The following RABGAP1L variants were observed in gnomAD, a reference collection of about 807,000 sequenced individuals.
RABGAP1L encodes the protein rab GTPase-activating protein 1-like.
In RABGAP1L, 63 loss-of-function variants were observed where a neutral mutation model predicts 137.7. The ratio of observed to expected loss-of-function variants is 0.46; its 90% CI spans 0.37 to 0.56. RABGAP1L has a LOEUF of 0.56. Among genes scored for constraint, RABGAP1L ranks in the 20% least tolerant of loss-of-function variants. The probability of loss-of-function intolerance (pLI) is 0.00; values close to 1 mark genes in which losing one functional copy is unlikely to be tolerated. For synonymous variants in RABGAP1L, 431 were observed against 433.7 expected (o/e 0.99, Z 0.08); for missense variants, 1,095 against 1,244.0 (o/e 0.88, Z 1.80).
chr1:174,347,264 C>A (rs1453310125), intron 11 of RABGAP1L, among the ~76,000 whole-genome samples: 1 of 152,068 alleles, frequency 6.6e-6, no homozygotes, highest in African/African-American at 2.4e-5. Context: ...TTCCATGTTT[C>A]TTTATTTACT....
chr1:174,220,113 T>C (rs1023693251), intron 2 of RABGAP1L, among the ~76,000 whole-genome samples: 3 of 152,192 alleles, frequency 2.0e-5, no homozygotes, highest in African/African-American at 7.2e-5. Flanking sequence ...AAGACATCAC[T>C]TATTTGCTTA....
At chr1:174,825,891 AAAAC>A (rs756894688) in intron 19 of RABGAP1L, among the ~76,000 whole-genome samples, 29 of 152,134 alleles carry the variant, frequency 1.9e-4, no homozygotes, top group African/African-American at 4.8e-4. Flanking sequence ...ACTCTGTCTC[AAAAC>A]AAACAAACAA....
chr1:174,615,515 AG>A (rs1475847449), intron 13 of RABGAP1L, among the ~76,000 whole-genome samples: 1 of 151,582 alleles, frequency 6.6e-6, no homozygotes, highest in Non-Finnish European at 1.5e-5. Context: ...TAGGCTTCTC[AG>A]GGGTCAGGGG....
intron 10 of RABGAP1L, among the ~76,000 whole-genome samples, chr1:174,299,097 T>A (rs1298546868): frequency 1.3e-5 from 2 of 152,256 alleles, no homozygotes; most frequent in African/African-American, 4.8e-5. Flanking sequence ...AAATAGACTT[T>A]AGTTTTATAC....
intron 11 of RABGAP1L, among the ~76,000 whole-genome samples, chr1:174,363,809 G>A (rs1684344331): frequency 7.1e-6 from 1 of 140,840 alleles, no homozygotes; most frequent in African/African-American, 2.5e-5. Flanking sequence ...ATGCTCATAT[G>A]GTTTTTGTAC....
chr1:174,192,879 A>G (rs1026007089), intron 1 of RABGAP1L, among the ~76,000 whole-genome samples: 4 of 152,220 alleles, frequency 2.6e-5, no homozygotes, highest in Non-Finnish European at 4.4e-5. Flanking sequence ...GCACCTGACA[A>G]TGCTGTCGTT....
intron 11 of RABGAP1L, among the ~76,000 whole-genome samples, chr1:174,314,860 T>C (rs1166297525): frequency 6.6e-6 from 1 of 152,202 alleles, no homozygotes; most frequent in Non-Finnish European, 1.5e-5. Context: ...AGATGCTTGA[T>C]ATTATTTCAG....
chr1:174,635,701 A>G (rs10912828), intron 13 of RABGAP1L, among the ~76,000 whole-genome samples: 141 of 151,992 alleles, frequency 9.3e-4, no homozygotes, highest in African/African-American at 3.1e-3. Flanking sequence ...TTTCCTCTGG[A>G]TCGATTTGTA....
chr1:174,596,054 G>A (rs1418357350), intron 13 of RABGAP1L, among the ~76,000 whole-genome samples: 1 of 114,584 alleles, frequency 8.7e-6, no homozygotes, highest in Non-Finnish European at 1.7e-5. Context: ...ATATAGTCTC[G>A]TGGTGCGCCG....
intron 1 of RABGAP1L, among the ~76,000 whole-genome samples, chr1:174,205,693 G>A (rs189973491): frequency 2.8e-4 from 42 of 152,006 alleles, no homozygotes; most frequent in African/African-American, 9.4e-4. Flanking sequence ...AGTGGCCTAT[G>A]TATCTTACTA....
intron 14 of RABGAP1L, among the ~76,000 whole-genome samples, chr1:174,653,609 AG>A (rs1215012662): frequency 6.6e-6 from 1 of 152,180 alleles, no homozygotes; most frequent in Non-Finnish European, 1.5e-5. Context: ...CTGTCTAACC[AG>A]TCTCAATGAG....
At chr1:174,642,372 T>C (rs548022745) in intron 14 of RABGAP1L, among the ~76,000 whole-genome samples, 1 of 152,326 alleles carries the variant, frequency 6.6e-6, no homozygotes, top group Admixed American at 6.5e-5. Flanking sequence ...ATTGTTTTGA[T>C]ACTAATGATG....
chr1:174,643,729 G>C (rs1006126775), intron 14 of RABGAP1L, among the ~76,000 whole-genome samples: 3 of 152,032 alleles, frequency 2.0e-5, no homozygotes, highest in Admixed American at 1.3e-4. Flanking sequence ...TAATCTCTTA[G>C]AGTCAGAGTT....
chr1:174,176,762 A>G (rs1345398970), intron 1 of RABGAP1L, among the ~76,000 whole-genome samples: 1 of 134,620 alleles, frequency 7.4e-6, no homozygotes, highest in Non-Finnish European at 1.6e-5. Context: ...ACATTTGTTA[A>G]TACTGCCATC....
At chr1:174,363,995 G>A (rs1684367566) in intron 11 of RABGAP1L, among the ~76,000 whole-genome samples, 1 of 151,578 alleles carries the variant, frequency 6.6e-6, no homozygotes, top group African/African-American at 2.4e-5. Flanking sequence ...ACTGATATTG[G>A]CCTACAGTTT....
At chr1:174,649,027 G>T (rs910477881) in intron 14 of RABGAP1L, among the ~76,000 whole-genome samples, 3 of 151,994 alleles carry the variant, frequency 2.0e-5, no homozygotes, top group Non-Finnish European at 4.4e-5. Context: ...TGCCACCCCT[G>T]CTTTTTTTTG....
intron 24 of RABGAP1L, among the ~76,000 whole-genome samples, chr1:174,988,402 T>C (rs1671789262): frequency 6.6e-6 from 1 of 152,172 alleles, no homozygotes; most frequent in Admixed American, 6.5e-5. Flanking sequence ...AAAGAGATGC[T>C]ACAATACCTT....
chr1:174,558,189 A>G (rs535765336), intron 13 of RABGAP1L, among the ~76,000 whole-genome samples: 11 of 152,182 alleles, frequency 7.2e-5, no homozygotes, highest in South Asian at 2.1e-4. Flanking sequence ...ATATATCTCA[A>G]TTAAAATCTG....
chr1:174,982,402 CT>C (rs1299127641), intron 23 of RABGAP1L, among the ~76,000 whole-genome samples: 1 of 152,166 alleles, frequency 6.6e-6, no homozygotes, highest in African/African-American at 2.4e-5. Context: ...CTTAAGGAAA[CT>C]TTTGTGATTG....
Sources: gnomAD v4.1 joint callset for allele counts (sites outside exome capture counted in the v4.1 genomes callset) on GRCh38, gnomAD v4.1.1 for gene constraint, MANE v1.5 for transcripts, NCBI Gene and HGNC (gene_info 2026-07-23, HGNC 2026-07-21) for gene names.